The following HECW2 variants were observed in gnomAD, a reference collection of about 807,000 sequenced individuals.
HECW2 encodes HECT, C2 and WW domain containing E3 ubiquitin protein ligase 2.
Under a neutral mutation model 175.2 loss-of-function variants are expected in HECW2, and 61 were observed. The ratio of observed to expected loss-of-function variants is 0.35; its 90% CI spans 0.28 to 0.43. The LOEUF is 0.43. Ranked by LOEUF, HECW2 falls within the 20% of genes least tolerant of loss-of-function variation. The probability of loss-of-function intolerance (pLI) is 1.00; values close to 1 mark genes in which losing one functional copy is unlikely to be tolerated. For synonymous variants in HECW2, 671 were observed against 731.0 expected (o/e 0.92, Z 1.32); for missense variants, 1,524 against 2,000.5 (o/e 0.76, Z 4.54).
At chr2:196,311,947 A>T (rs1413438140) in intron 10 of HECW2, among the ~76,000 whole-genome samples, 1 of 152,214 alleles carries the variant, frequency 6.6e-6, no homozygotes, top group Non-Finnish European at 1.5e-5. Context: ...GAAAGTGGGT[A>T]AAACTACTCC....
At chr2:196,558,612 T>C (rs1401735643) in intron 1 of HECW2, among the ~76,000 whole-genome samples, 2 of 152,260 alleles carry the variant, frequency 1.3e-5, no homozygotes, top group Admixed American at 6.5e-5. Flanking sequence ...TAGTCCCTTT[T>C]CCTTGATTCT....
At chr2:196,388,816 A>G (rs1694424670) in intron 2 of HECW2, among the ~76,000 whole-genome samples, 1 of 152,182 alleles carries the variant, frequency 6.6e-6, no homozygotes, top group Non-Finnish European at 1.5e-5. Flanking sequence ...AAAAGTGAAA[A>G]TGTTAAGATT....
intron 1 of HECW2, among the ~76,000 whole-genome samples, chr2:196,556,916 T>C (rs1689813501): frequency 6.6e-6 from 1 of 152,084 alleles, no homozygotes; most frequent in African/African-American, 2.4e-5. Context: ...TGATTAAGAG[T>C]TGATAGCCTT....
At chr2:196,520,694 A>G (rs1283466190) in intron 1 of HECW2, among the ~76,000 whole-genome samples, 1 of 152,232 alleles carries the variant, frequency 6.6e-6, no homozygotes, top group Admixed American at 6.5e-5. Flanking sequence ...GTCTCACATC[A>G]GTTTGTAACA....
intron 14 of HECW2, among the ~76,000 whole-genome samples, chr2:196,286,393 T>C (rs1690389290): frequency 6.6e-6 from 1 of 151,188 alleles, no homozygotes; most frequent in Admixed American, 6.6e-5. Flanking sequence ...AGGTCATATA[T>C]ATATATATTT....
intron 1 of HECW2, among the ~76,000 whole-genome samples, chr2:196,516,551 T>G (rs1238066461): frequency 6.6e-6 from 1 of 152,230 alleles, no homozygotes; most frequent in Admixed American, 6.5e-5. Flanking sequence ...ATATTTTGTA[T>G]GTCTGGCTCT....
At chr2:196,552,784 T>C (rs1481420849) in intron 1 of HECW2, among the ~76,000 whole-genome samples, 1 of 152,222 alleles carries the variant, frequency 6.6e-6, no homozygotes, top group Non-Finnish European at 1.5e-5. Context: ...ATGGAAAGGG[T>C]AGAGGCCAGA....
At chr2:196,292,908 G>T (rs1051615211) in intron 13 of HECW2, among the ~76,000 whole-genome samples, 158 bp from the exon 14 acceptor site, 1 of 152,208 alleles carries the variant, frequency 6.6e-6, no homozygotes, top group South Asian at 2.1e-4. Context: ...AGCAGACAGA[G>T]CAAAATATCT....
intron 21 of HECW2, among the ~76,000 whole-genome samples, chr2:196,230,739 C>T (rs994115048): frequency 6.6e-5 from 10 of 152,134 alleles, no homozygotes; most frequent in South Asian, 2.1e-4. Flanking sequence ...AGCTAAAGCC[C>T]GAAACCTTTC....
At chr2:196,287,354 T>C (rs1288176366) in intron 14 of HECW2, among the ~76,000 whole-genome samples, 4 of 152,236 alleles carry the variant, frequency 2.6e-5, no homozygotes, top group Non-Finnish European at 5.9e-5. Context: ...TCCCATTGTA[T>C]ATTTTTATTT....
At chr2:196,290,335 A>G (rs1181975088) in intron 14 of HECW2, 1 of 152,226 alleles carries the variant, frequency 6.6e-6, no homozygotes, top group Non-Finnish European at 1.5e-5. Context: ...TTAAGAATAC[A>G]TTACAACTCT....
intron 1 of HECW2, among the ~76,000 whole-genome samples, chr2:196,483,129 C>T (rs571468532): frequency 1.4e-5 from 2 of 146,110 alleles, no homozygotes; most frequent in South Asian, 2.2e-4. Flanking sequence ...CCTCATTTAT[C>T]GTGTTTCCAA....
chr2:196,416,423 T>C (rs1399933079), intron 2 of HECW2, among the ~76,000 whole-genome samples: 1 of 152,212 alleles, frequency 6.6e-6, no homozygotes, highest in African/African-American at 2.4e-5. Flanking sequence ...AAAAACAGTA[T>C]TGGTGAGATA....
In HECW2 at chr2:196,508,721, A is replaced by G. The variant is rs569863162; in HGVS notation, c.-35-75263T>C. 1.8e-4 allele frequency among the ~76,000 whole-genome samples: 27 copies of G among 152,310 alleles called. No individual in the cohort carries two copies. In the South Asian group the frequency reaches 5.6e-3, roughly 32 times the overall value. On this transcript the variant is annotated intron_variant, in intron 1 of 28. Transcript: ENST00000644978. ...CTTCATCCCCTAAAGGCATCTTAGC[A>G]GGGGATGAGCACCCCCATTCCTTTC... is the stretch of plus-strand genomic sequence containing the variant.
At chr2:196,277,477 T>C (rs1053092648) in intron 15 of HECW2, among the ~76,000 whole-genome samples, 2 of 152,078 alleles carry the variant, frequency 1.3e-5, no homozygotes, top group African/African-American at 4.8e-5. Context: ...CAGGAGACAA[T>C]AGGTGCTGGA....
chr2:196,248,843 A>C (rs1339836446), intron 19 of HECW2, among the ~76,000 whole-genome samples: 3 of 152,054 alleles, frequency 2.0e-5, no homozygotes, highest in African/African-American at 7.2e-5. Flanking sequence ...CCCTCAAGAC[A>C]ATCTTTAGTA....
intron 5 of HECW2, 119 bp downstream of exon 5, chr2:196,329,456 C>A (rs1414956439): frequency 2.9e-6 from 2 of 682,748 alleles, no homozygotes; most frequent in Admixed American, 4.3e-5. Flanking sequence ...AGTATGACCC[C>A]CCAAAACTAG....
intron 1 of HECW2, among the ~76,000 whole-genome samples, chr2:196,455,403 A>G (rs1696476789): frequency 6.6e-6 from 1 of 152,218 alleles, no homozygotes; most frequent in South Asian, 2.1e-4. Flanking sequence ...AGTGATTTCT[A>G]TATCTTCCTG....
chr2:196,358,655 TTTTCA>T (rs1376621321), intron 2 of HECW2, among the ~76,000 whole-genome samples: 1 of 150,940 alleles, frequency 6.6e-6, no homozygotes, highest in East Asian at 1.9e-4. Context: ...GGGAGCTATG[TTTTCA>T]TTTCATTACT....
Sources: allele counts gnomAD v4.1 joint callset (sites outside exome capture counted in the v4.1 genomes callset), GRCh38; gene constraint gnomAD v4.1.1; transcripts MANE v1.5; gene names NCBI Gene and HGNC (gene_info 2026-07-23, HGNC 2026-07-21).